The following PTPRD variants were observed in gnomAD, a reference collection of about 807,000 sequenced individuals.
The protein encoded by PTPRD is protein tyrosine phosphatase receptor type D.
A neutral mutation model predicts 214.5 loss-of-function variants in PTPRD; 34 were observed. The observed-to-expected ratio is 0.16, with a 90% CI of 0.12 to 0.21. PTPRD has a LOEUF of 0.21. PTPRD is among the 10% of genes least tolerant of loss of function. The pLI is 1.00. For missense variants in PTPRD, 2,545 were observed against 2,398.7 expected (o/e 1.06, Z -1.27); for synonymous variants, 1,128 against 845.7 (o/e 1.33, Z -5.79).
chr9:8,792,909 C>G (rs1034683512), intron 11 of PTPRD, among the ~76,000 whole-genome samples: 1 of 152,126 alleles, frequency 6.6e-6, no homozygotes, highest in Non-Finnish European at 1.5e-5. Context: ...GTTACAGCTA[C>G]TTCACATTTA....
At chr9:10,570,139 T>A (rs2131904898) in intron 2 of PTPRD, among the ~76,000 whole-genome samples, 1 of 152,322 alleles carries the variant, frequency 6.6e-6, no homozygotes, top group South Asian at 2.1e-4. Context: ...TGGGTCTCTC[T>A]CACCCATCTT....
chr9:8,734,332 G>C lies in PTPRD; in HGVS notation c.-103-386C>G, dbSNP rs1343319622. ...AGAAGCACACCAGTGCTATGAGAAA[G>C]ATTTAAGAGAAGTTCCTCCATGCAG... On this transcript the variant is annotated intron_variant, in intron 11 of 45. Coordinates refer to ENST00000381196, the MANE Select transcript of PTPRD (RefSeq NM_002839.4). Among the ~76,000 whole-genome samples, 5 of 152,192 alleles carry C rather than the reference G, an allele frequency of 3.3e-5. 1 individual carries two copies. The highest frequency in any genetic ancestry group is 7.3e-5 in the Non-Finnish European group (5 of 68,034).
At chr9:8,811,370 T>C (rs1303832963) in intron 11 of PTPRD, among the ~76,000 whole-genome samples, 2 of 152,106 alleles carry the variant, frequency 1.3e-5, no homozygotes, top group African/African-American at 4.8e-5. Flanking sequence ...GCACAACCTG[T>C]TTATGACCTC....
chr9:10,244,563 G>A (rs1036297635), intron 3 of PTPRD, among the ~76,000 whole-genome samples: 1 of 146,262 alleles, frequency 6.8e-6, no homozygotes, highest in African/African-American at 2.5e-5. Context: ...GGTTAAGCAG[G>A]AGGAAAAAAA....
intron 5 of PTPRD, among the ~76,000 whole-genome samples, chr9:9,913,949 G>A (rs1026792672): frequency 3.9e-5 from 6 of 152,140 alleles, no homozygotes; most frequent in African/African-American, 1.2e-4. Flanking sequence ...TCTTCATTAT[G>A]ACAAGCCGAC....
chr9:10,432,355 G>C (rs145316937), intron 2 of PTPRD, among the ~76,000 whole-genome samples: 45 of 151,422 alleles, frequency 3.0e-4, no homozygotes, highest in African/African-American at 1.1e-3. Flanking sequence ...TTTAGTGGGT[G>C]CAGCGCACCA....
chr9:10,138,054 A>C (rs551198475), intron 3 of PTPRD, among the ~76,000 whole-genome samples: 1 of 152,224 alleles, frequency 6.6e-6, no homozygotes, highest in Non-Finnish European at 1.5e-5. Context: ...AGAAGCACTG[A>C]AGAAAATTGA....
intron 10 of PTPRD, among the ~76,000 whole-genome samples, chr9:9,109,303 C>G (rs1420501906): frequency 6.6e-6 from 1 of 152,058 alleles, no homozygotes; most frequent in Admixed American, 6.6e-5. Context: ...TCTTTCAGGA[C>G]TACAGTAAGG....
At chr9:10,120,956 C>G (rs1329852755) in intron 3 of PTPRD, among the ~76,000 whole-genome samples, 1 of 152,012 alleles carries the variant, frequency 6.6e-6, no homozygotes, top group Non-Finnish European at 1.5e-5. Context: ...GCTCAAAATA[C>G]ATTACCAGCA....
At chr9:8,466,205 A>T (rs1394989182) in intron 31 of PTPRD, among the ~76,000 whole-genome samples, 3 of 151,928 alleles carry the variant, frequency 2.0e-5, no homozygotes, top group Non-Finnish European at 4.4e-5. Flanking sequence ...ACAATTTTTA[A>T]TATACACATA....
intron 8 of PTPRD, among the ~76,000 whole-genome samples, chr9:9,426,408 G>C (rs10739193): frequency 0.86 from 130,802 of 152,122 alleles, 56,333 homozygotes; most frequent in Middle Eastern, 0.91. Flanking sequence ...AAAGCAGCTG[G>C]GAAGCTCGAA....
intron 10 of PTPRD, among the ~76,000 whole-genome samples, chr9:9,117,446 G>C (rs2099813482): frequency 6.6e-6 from 1 of 152,032 alleles, no homozygotes; most frequent in African/African-American, 2.4e-5. Flanking sequence ...ATGAAATGGT[G>C]ATACCCCACA....
intron 8 of PTPRD, among the ~76,000 whole-genome samples, chr9:9,529,015 T>C (rs2074846661): frequency 6.6e-6 from 1 of 150,940 alleles, no homozygotes. Flanking sequence ...CTTGGTTCAC[T>C]GCAACCTCTG....
chr9:9,576,274 A>C (rs913775990), intron 7 of PTPRD, among the ~76,000 whole-genome samples: 1 of 152,218 alleles, frequency 6.6e-6, no homozygotes, highest in East Asian at 1.9e-4. Context: ...TGAATCTGAC[A>C]GTAAAATGAA....
At chr9:9,191,741 T>C (rs2099935320) in intron 9 of PTPRD, among the ~76,000 whole-genome samples, 1 of 152,110 alleles carries the variant, frequency 6.6e-6, no homozygotes, top group Non-Finnish European at 1.5e-5. Context: ...GTTTATACTT[T>C]AGCTTCTTGC....
chr9:9,889,255 T>C (rs2072270229), intron 5 of PTPRD, among the ~76,000 whole-genome samples: 1 of 152,138 alleles, frequency 6.6e-6, no homozygotes. Flanking sequence ...ATGCTGACAG[T>C]GGACGTCAAG....
chr9:8,501,093 G>A, intron 23 of PTPRD, 34 bp from the exon 24 acceptor site: 1 of 1,551,042 alleles, frequency 6.4e-7, no homozygotes, highest in Non-Finnish European at 8.8e-7. Context: ...GAGGATTTAA[G>A]TGAAAGGACA....
At chr9:9,594,458 G>C (rs1293834413) in intron 7 of PTPRD, among the ~76,000 whole-genome samples, 2 of 152,002 alleles carry the variant, frequency 1.3e-5, no homozygotes, top group Non-Finnish European at 2.9e-5. Flanking sequence ...CATAAGGTGA[G>C]AGATGAGGAT....
At chr9:9,122,971 G>C (rs544024285) in intron 10 of PTPRD, among the ~76,000 whole-genome samples, 2 of 152,114 alleles carry the variant, frequency 1.3e-5, no homozygotes, top group African/African-American at 4.8e-5. Flanking sequence ...GGGGAAAATG[G>C]CATTGCTATA....
Sources: gnomAD v4.1 joint callset for allele counts (sites outside exome capture counted in the v4.1 genomes callset) on GRCh38, gnomAD v4.1.1 for gene constraint, MANE v1.5 for transcripts, NCBI Gene and HGNC (gene_info 2026-07-23, HGNC 2026-07-21) for gene names.